Variants in OGDH observed in about 807,000 individuals in gnomAD.
OGDH encodes 2-oxoglutarate dehydrogenase complex component E1.
A neutral mutation model predicts 116.6 loss-of-function variants in OGDH; 38 were observed. The observed-to-expected ratio is 0.33, with a 90% CI of 0.25 to 0.43. The LOEUF is 0.43. Among genes scored for constraint, OGDH ranks in the 20% least tolerant of loss-of-function variants. OGDH has a pLI of 1.00. For missense variants in OGDH, 825 were observed against 1,357.2 expected, an observed-to-expected ratio of 0.61 and a Z score of 6.16; for synonymous variants, 488 against 533.3, an observed-to-expected ratio of 0.92 and a Z score of 1.17.
At chr7:44,692,298 A>G (rs940693037) in intron 10 of OGDH, among the ~76,000 whole-genome samples, 17 of 152,236 alleles carry the variant, frequency 1.1e-4, no homozygotes, top group African/African-American at 3.4e-4. Context: ...TGTGGGGTAT[A>G]CTGTGTCTGG....
rs1360717165 is a variant in OGDH at position 44,694,768 on chromosome 7, G to T, written c.1668+192G>T. Among the ~76,000 whole-genome samples the T allele has an allele frequency of 2.0e-5, 3 of 152,236 alleles. No individual in the cohort carries two copies. The highest frequency in any genetic ancestry group is 2.0e-4 in the Admixed American group (3 of 15,282). On this transcript the variant is annotated intron_variant, in intron 12 of 22. Transcript: ENST00000222673. The surrounding 1 kb of genome is among the most constrained non-coding windows in gnomAD (Gnocchi z 4.2). Reference sequence around the variant, plus strand: ...TGGGCCACTGAGATGCTTTATAAAGGAAGTGGGCCTTAAACAGTGTTTTGG... The same window carrying T: ...TGGGCCACTGAGATGCTTTATAAAGTAAGTGGGCCTTAAACAGTGTTTTGG...
intron 4 of OGDH, chr7:44,656,206 C>G (rs1786683622): frequency 4.0e-6 from 4 of 1,004,922 alleles, no homozygotes; most frequent in Non-Finnish European, 6.0e-6. Flanking sequence ...GTCTGTGCTA[C>G]CTGTTACTGT....
intron 20 of OGDH, among the ~76,000 whole-genome samples, chr7:44,702,399 A>G (rs1312387591): frequency 6.6e-6 from 1 of 152,302 alleles, no homozygotes; most frequent in South Asian, 2.1e-4. Flanking sequence ...AGGGAGACCC[A>G]TAACATTGAG....
At chr7:44,659,302 G>A (rs751027415) in intron 4 of OGDH, among the ~76,000 whole-genome samples, 1 of 152,118 alleles carries the variant, frequency 6.6e-6, no homozygotes, top group South Asian at 2.1e-4. Context: ...ATATGTCTTT[G>A]TATCTGTCTC....
At chr7:44,704,706 T>A (rs1338749452) in intron 20 of OGDH, among the ~76,000 whole-genome samples, 1 of 152,056 alleles carries the variant, frequency 6.6e-6, no homozygotes, top group Non-Finnish European at 1.5e-5. Flanking sequence ...GGTGTTTTTT[T>A]TGTTTGTTTT....
At chr7:44,644,138 G>A (rs888170285) in intron 2 of OGDH, among the ~76,000 whole-genome samples, 5 of 152,218 alleles carry the variant, frequency 3.3e-5, no homozygotes, top group African/African-American at 1.2e-4. Flanking sequence ...CCGGGAGGTG[G>A]AGGTTGCAGT....
chr7:44,659,431 C>T (rs146108885), intron 4 of OGDH, among the ~76,000 whole-genome samples: 591 of 152,258 alleles, frequency 3.9e-3, no homozygotes, highest in Non-Finnish European at 6.6e-3. Context: ...AAGTGTTTCT[C>T]CTATTTTCCA....
At chr7:44,705,146 G>A (rs1776243802) in intron 20 of OGDH, among the ~76,000 whole-genome samples, 5 of 131,332 alleles carry the variant, frequency 3.8e-5, no homozygotes, top group East Asian at 2.5e-4. Flanking sequence ...TCCACCTCCC[G>A]GGTTCACGCC....
At position 44,624,310 on chromosome 7, in the gene OGDH, T is replaced by TTTTTTTAAGG; in HGVS notation, c.-27-7_-27-6insTTTTTTAAGG. 1 of 1,102,340 alleles carries TTTTTTTAAGG rather than the reference T, an allele frequency of 9.1e-7. No individual in the cohort carries two copies. Among genetic ancestry groups the TTTTTTTAAGG allele is most frequent in the Non-Finnish European group, 1.2e-6 (1 of 812,452 alleles). 68.3% of individuals were successfully genotyped at this position (1,102,340 alleles called of 1,614,324 possible). On this transcript the variant is annotated splice_region_variant and splice_polypyrimidine_tract_variant and intron_variant, in intron 1 of 22. Transcript: ENST00000222673. ...TTTCTTGTTTTTTTTTTTTTTTTTT[T>TTTTTTTAAGG]GTACAGGCAGTTGTGAAAAACTTCA... is the stretch of plus-strand genomic sequence containing the variant.
chr7:44,626,256 A>G lies in OGDH; in HGVS notation c.222+1691A>G, dbSNP rs147445526. Among the ~76,000 whole-genome samples the G allele has an allele frequency of 5.0e-5, 7 of 140,246 alleles. 1 individual carries two copies. In the East Asian group the frequency reaches 1.5e-3, roughly 30 times the overall value. The allele number at this position is 140,246 out of a possible 152,430, so 92.0% of individuals were successfully genotyped here. On this transcript the variant is annotated intron_variant, in intron 2 of 22. Coordinates refer to ENST00000222673, the MANE Select transcript of OGDH (RefSeq NM_002541.4). ...CTTTTGATGTGATATCATGGATGTTACTGAAGACTGTGGTTGCAGATTGTG... is the reference window on the plus strand; with the variant it reads ...CTTTTGATGTGATATCATGGATGTTGCTGAAGACTGTGGTTGCAGATTGTG...
At chr7:44,690,412 C>T (rs1788318690) in intron 10 of OGDH, among the ~76,000 whole-genome samples, 1 of 152,194 alleles carries the variant, frequency 6.6e-6, no homozygotes, top group African/African-American at 2.4e-5. Context: ...GATTTTCCTA[C>T]TAAAACACTA....
chr7:44,672,648 T>G lies in OGDH; in HGVS notation c.634-1139T>G, dbSNP rs1227094500. Among the ~76,000 whole-genome samples the G allele has an allele frequency of 5.4e-5, 8 of 149,340 alleles. No homozygotes were observed. The East Asian group carries it at 9.7e-4, about 18-fold the overall frequency. ...AGGGATTTCTTTTTGTTTTTTGTTT[T>G]TTTTTTTTTTTTGAGATGGAGTCTC... On this transcript the variant is annotated intron_variant, in intron 5 of 22. Coordinates refer to ENST00000222673, the MANE Select transcript of OGDH (RefSeq NM_002541.4).
rs1788626350 is a variant in OGDH at position 44,697,229 on chromosome 7, T to C, written c.2052-141T>C. On this transcript the variant is annotated intron_variant, in intron 15 of 22. Coordinates refer to ENST00000222673, the MANE Select transcript of OGDH (RefSeq NM_002541.4). The surrounding 1 kb of genome is among the most constrained non-coding windows in gnomAD (Gnocchi z 6.0). ...TGCTATGGGTGCTTCTGTTAAGACC[T>C]GGGTGGGGCCGACCCTGCAGCTGCC... 1.4e-6 allele frequency: 2 copies of C among 1,453,402 alleles called. No homozygotes were observed. The highest frequency in any genetic ancestry group is 1.9e-6 in the Non-Finnish European group (2 of 1,066,232). 90.0% of individuals were successfully genotyped at this position (1,453,402 alleles called of 1,614,324 possible).
chr7:44,691,206 C>T lies in OGDH; in HGVS notation c.1336-2619C>T, dbSNP rs549776203. On this transcript the variant is annotated intron_variant, in intron 10 of 22. Coordinates refer to ENST00000222673, the MANE Select transcript of OGDH (RefSeq NM_002541.4). Reference sequence around the variant, plus strand: ...TTCCAGAAATTTCACCTAAGGAAGCCATCTGATGGTAAATATTTTTTCATA... The same window carrying T: ...TTCCAGAAATTTCACCTAAGGAAGCTATCTGATGGTAAATATTTTTTCATA... Among the ~76,000 whole-genome samples, 4 of 152,160 alleles carry T rather than the reference C, an allele frequency of 2.6e-5. No individual in the cohort carries two copies. In the South Asian group the frequency reaches 8.3e-4, roughly 32 times the overall value.
intron 18 of OGDH, 41 bp downstream of exon 18, chr7:44,698,304 T>C: frequency 1.2e-6 from 2 of 1,603,320 alleles, no homozygotes; most frequent in South Asian, 1.1e-5. Flanking sequence ...ATTCTCGGGG[T>C]GTCTGGTGGG....
At chr7:44,686,046 C>CTTTTTTTTTT (rs947000633) in intron 10 of OGDH, among the ~76,000 whole-genome samples, 340 of 144,808 alleles carry the variant, frequency 2.3e-3, no homozygotes, top group African/African-American at 7.1e-3. Context: ...TTCTTTCTTT[C>CTTTTTTTTTT]TTTTTTTTTT....
chr7:44,698,379 T>C, intron 18 of OGDH, 116 bp downstream of exon 18: 3 of 1,090,912 alleles, frequency 2.7e-6, no homozygotes, highest in Non-Finnish European at 4.1e-6. Flanking sequence ...TGTCCCTTTC[T>C]CCATCCTGGG....
In OGDH at chr7:44,700,284, C is replaced by T. The variant is rs1424724942; in HGVS notation, c.2559+15C>T. 5 of 1,613,752 alleles carry T rather than the reference C, an allele frequency of 3.1e-6. No individual in the cohort carries two copies. The highest frequency in any genetic ancestry group is 1.7e-5 in the Admixed American group (1 of 60,006). ...TCCGGAAGCCGGTCAGTGGCAGGGC[C>T]TCCCTTGCTCAAACGAGGCCTGGCC... On this transcript the variant is annotated intron_variant, in intron 19 of 22. Transcript: ENST00000222673.
At chr7:44,678,655 C>T (rs1262733267) in intron 9 of OGDH, among the ~76,000 whole-genome samples, 2 of 152,168 alleles carry the variant, frequency 1.3e-5, no homozygotes, top group African/African-American at 4.8e-5. Context: ...GGATAGCTGC[C>T]AGGCCCTCTT....
Sources: gnomAD v4.1 joint callset for allele counts (sites outside exome capture counted in the v4.1 genomes callset) on GRCh38, gnomAD v4.1.1 for gene constraint, Gnocchi (gnomAD v3.1) non-coding constraint, MANE v1.5 for transcripts, NCBI Gene and HGNC (gene_info 2026-07-23, HGNC 2026-07-21) for gene names.